RGS20: variants seen among roughly 807,000 people sequenced by gnomAD.
RGS20 encodes the protein regulator of G protein signaling 20.
RGS20 carries 30 observed loss-of-function variants against 33.6 expected under a neutral mutation model. The observed-to-expected ratio is 0.89, with a 90% CI of 0.67 to 1.21. RGS20 has a LOEUF of 1.21. Ranked by LOEUF, RGS20 falls within the 50% of genes most tolerant of loss-of-function variation. RGS20 has a pLI of 0.00. For missense variants in RGS20, 472 were observed against 502.4 expected (o/e 0.94, Z 0.58); for synonymous variants, 208 against 197.9 (o/e 1.05, Z -0.43).
chr8:53,909,294 G>A (rs552767802), intron 2 of RGS20, among the ~76,000 whole-genome samples: 2 of 137,670 alleles, frequency 1.5e-5, no homozygotes, highest in African/African-American at 5.4e-5. Context: ...CTGTCACCCA[G>A]GCTGGAGAGC....
chr8:53,870,525 T>G (rs938799686), intron 1 of RGS20, among the ~76,000 whole-genome samples: 1 of 152,236 alleles, frequency 6.6e-6, no homozygotes, highest in Non-Finnish European at 1.5e-5. Flanking sequence ...ACATTATAGA[T>G]GGTGTCCCTT....
intron 2 of RGS20, chr8:53,879,781 G>C (rs1229158683): frequency 4.0e-6 from 2 of 499,090 alleles, no homozygotes; most frequent in East Asian, 3.5e-5. Flanking sequence ...GGCGGCTCCC[G>C]GGACACCGCC....
At chr8:53,916,889 T>C (rs1052499690) in intron 2 of RGS20, among the ~76,000 whole-genome samples, 2 of 152,128 alleles carry the variant, frequency 1.3e-5, no homozygotes, top group African/African-American at 4.8e-5. Flanking sequence ...CACCGCACCC[T>C]CACAGGGTAG....
chr8:53,905,647 A>C (rs1445215967), intron 2 of RGS20, among the ~76,000 whole-genome samples: 1 of 152,044 alleles, frequency 6.6e-6, no homozygotes, highest in East Asian at 1.9e-4. Context: ...GCATCTGGTG[A>C]CCCGGTGTTA....
chr8:53,956,913 C>T lies in RGS20; in HGVS notation c.979-1357C>T, dbSNP rs573238341. On this transcript the variant is annotated intron_variant, in intron 5 of 5. Transcript: ENST00000297313. ...CTGTAATCCCAGCACTATGGGAGGC[C>T]GAAGCAGGCAGATCACCTTGTCTAG... Among the ~76,000 whole-genome samples the T allele has an allele frequency of 1.8e-4, 27 of 152,090 alleles. No individual in the cohort carries two copies. In the South Asian group the frequency reaches 5.2e-3, roughly 29 times the overall value.
At chr8:53,917,104 T>A (rs1276673883) in intron 2 of RGS20, among the ~76,000 whole-genome samples, 2 of 152,140 alleles carry the variant, frequency 1.3e-5, no homozygotes, top group African/African-American at 2.4e-5. Context: ...TTCTGGAAAT[T>A]CTCAGAACAC....
chr8:53,866,702 G>A (rs1811926795), intron 1 of RGS20, among the ~76,000 whole-genome samples: 1 of 152,086 alleles, frequency 6.6e-6, no homozygotes, highest in African/African-American at 2.4e-5. Context: ...CTTTTAGAAA[G>A]ATCCCTCATC....
At chr8:53,919,203 G>A (rs1280227520) in intron 2 of RGS20, among the ~76,000 whole-genome samples, 1 of 152,100 alleles carries the variant, frequency 6.6e-6, no homozygotes, top group African/African-American at 2.4e-5. Flanking sequence ...GAAATATCTA[G>A]TCAAATCCTT....
At chr8:53,898,565 T>C (rs906321527) in intron 2 of RGS20, among the ~76,000 whole-genome samples, 1 of 152,244 alleles carries the variant, frequency 6.6e-6, no homozygotes, top group Non-Finnish European at 1.5e-5. Context: ...TATTGAAGCA[T>C]GCATAACACA....
intron 5 of RGS20, among the ~76,000 whole-genome samples, chr8:53,957,125 T>C (rs535313315): frequency 6.5e-5 from 9 of 137,718 alleles, no homozygotes; most frequent in African/African-American, 2.5e-4. Flanking sequence ...CAGGGATGGA[T>C]TTTGTTTTGT....
At chr8:53,894,432 TTC>T (rs1451200382) in intron 2 of RGS20, among the ~76,000 whole-genome samples, 7 of 152,320 alleles carry the variant, frequency 4.6e-5, no homozygotes, top group African/African-American at 1.4e-4. Flanking sequence ...GACAAAAACA[TTC>T]TGTCAGCTTA....
chr8:53,858,892 T>TA (rs76466731), intron 1 of RGS20, among the ~76,000 whole-genome samples: 12,431 of 84,322 alleles, frequency 0.15, 1,404 homozygotes, highest in East Asian at 0.43. Context: ...GGGTTATGTT[T>TA]AAAAAAAAAA....
At chr8:53,914,769 T>C (rs937592201) in intron 2 of RGS20, 3 of 152,106 alleles carry the variant, frequency 2.0e-5, no homozygotes, top group African/African-American at 7.2e-5. Context: ...ACAGAGAAAT[T>C]AGCATGGCCC....
intron 2 of RGS20, among the ~76,000 whole-genome samples, chr8:53,903,017 G>A (rs949623749): frequency 1.3e-4 from 20 of 152,140 alleles, no homozygotes; most frequent in African/African-American, 4.3e-4. Flanking sequence ...TGAGCCACCC[G>A]TGCCCAGCCC....
intron 2 of RGS20, among the ~76,000 whole-genome samples, chr8:53,916,468 G>A (rs759495616): frequency 1.3e-5 from 2 of 151,826 alleles, no homozygotes. Flanking sequence ...TTTTTGCAAC[G>A]GTCTGTGAGA....
At chr8:53,917,171 G>A (rs566983744) in intron 2 of RGS20, among the ~76,000 whole-genome samples, 20 of 151,514 alleles carry the variant, frequency 1.3e-4, no homozygotes, top group Non-Finnish European at 2.4e-4. Flanking sequence ...TTTTGAGATG[G>A]AATTTCACTC....
intron 1 of RGS20, among the ~76,000 whole-genome samples, chr8:53,873,797 C>G (rs1812131145): frequency 6.6e-6 from 1 of 152,150 alleles, no homozygotes; most frequent in Non-Finnish European, 1.5e-5. Context: ...CAGAGAGGAA[C>G]TGTAGAGGAA....
At chr8:53,946,793 C>T in intron 4 of RGS20, 45 bp downstream of exon 3, 1 of 1,473,978 alleles carries the variant, frequency 6.8e-7, no homozygotes, top group Non-Finnish European at 9.5e-7. Context: ...AACAGAAATA[C>T]TAACCTCTTT....
intron 2 of RGS20, among the ~76,000 whole-genome samples, chr8:53,900,992 ACAG>A (rs904028742): frequency 8.0e-5 from 12 of 150,594 alleles, no homozygotes; most frequent in East Asian, 5.8e-4. Context: ...CACACCCCTC[ACAG>A]CATCCCACTG....
Sources: gnomAD v4.1 joint callset for allele counts (sites outside exome capture counted in the v4.1 genomes callset) on GRCh38, gnomAD v4.1.1 for gene constraint, MANE v1.5 for transcripts, NCBI Gene and HGNC (gene_info 2026-07-23, HGNC 2026-07-21) for gene names.